Variants in ANKRD6 observed in about 807,000 individuals in gnomAD.
ANKRD6 encodes ankyrin repeat domain 6.
A neutral mutation model predicts 82.3 loss-of-function variants in ANKRD6; 56 were observed. That is an observed-to-expected ratio of 0.68 (90% CI 0.55 to 0.85). The LOEUF (loss-of-function observed/expected upper bound fraction) is 0.85, where lower values mean the gene tolerates loss of function less well. Ranked by LOEUF, ANKRD6 falls within the 40% of genes least tolerant of loss-of-function variation. ANKRD6 has a pLI of 0.00. For synonymous variants in ANKRD6, 347 were observed against 352.1 expected (o/e 0.99, Z 0.16); for missense variants, 852 against 907.6 (o/e 0.94, Z 0.79).
chr6:89,461,018 A>G (rs796466163), intron 1 of ANKRD6, among the ~76,000 whole-genome samples: 5 of 150,656 alleles, frequency 3.3e-5, no homozygotes, highest in African/African-American at 1.2e-4. Flanking sequence ...CTCCTGCCTC[A>G]GCCTCCTGAG....
chr6:89,511,169 C>T (rs1041165645), intron 1 of ANKRD6, among the ~76,000 whole-genome samples: 1 of 152,192 alleles, frequency 6.6e-6, no homozygotes, highest in Non-Finnish European at 1.5e-5. Flanking sequence ...GATTCCTCTT[C>T]CTCCGTAGAC....
At chr6:89,544,191 A>G (rs1222483467) in intron 1 of ANKRD6, among the ~76,000 whole-genome samples, 2 of 152,132 alleles carry the variant, frequency 1.3e-5, no homozygotes, top group Non-Finnish European at 1.5e-5. Context: ...GACCTCCTCA[A>G]TATTCTGCCA....
chr6:89,615,270 G>T (rs1315960282), intron 7 of ANKRD6, among the ~76,000 whole-genome samples: 1 of 152,196 alleles, frequency 6.6e-6, no homozygotes. Flanking sequence ...TACTGTTCCT[G>T]GATCCCACCC....
intron 2 of ANKRD6, among the ~76,000 whole-genome samples, chr6:89,569,211 G>A (rs1789232143): frequency 6.6e-6 from 1 of 152,124 alleles, no homozygotes. Context: ...CACCGCGCCT[G>A]GCTCCTAGTA....
intron 14 of ANKRD6, among the ~76,000 whole-genome samples, chr6:89,627,933 G>A (rs1806256518): frequency 1.3e-5 from 2 of 152,190 alleles, no homozygotes; most frequent in Non-Finnish European, 2.9e-5. Context: ...TGGGGAAGAT[G>A]CCATTTCTGT....
intron 1 of ANKRD6, among the ~76,000 whole-genome samples, chr6:89,527,232 T>C (rs1782598452): frequency 6.6e-6 from 1 of 152,192 alleles, no homozygotes; most frequent in Non-Finnish European, 1.5e-5. Flanking sequence ...GTTATGTTTA[T>C]ATTATACTGT....
intron 1 of ANKRD6, among the ~76,000 whole-genome samples, chr6:89,552,167 A>G (rs933088966): frequency 1.3e-5 from 2 of 152,212 alleles, no homozygotes; most frequent in Non-Finnish European, 2.9e-5. Flanking sequence ...TATAACCAGG[A>G]TTAGGGAGAT....
At chr6:89,624,162 T>C (rs1315712733) in intron 12 of ANKRD6, 105 bp downstream of exon 12, 4 of 1,307,170 alleles carry the variant, frequency 3.1e-6, no homozygotes, top group East Asian at 2.5e-5. Context: ...ATTGACTTAG[T>C]TGAGCACAAG....
rs899914206 is a variant in ANKRD6, at chr6:89,623,935, C to T, written c.1096C>T (p.His366Tyr). 5.0e-6 allele frequency: 8 copies of T among 1,613,838 alleles called. No individual in the cohort carries two copies. In the African/African-American group the frequency reaches 1.1e-4, roughly 22 times the overall value. Residue 366 changes from histidine to tyrosine, a missense_variant, in exon 12 of 16, where the codon CAT becomes TAT. Transcript: ENST00000339746. Reference sequence around the variant, plus strand: ...ACAGCCTGGACACCAGAAGAACCTGCATGCTCATAATCACCCTAAAAAGAG... The same window carrying T: ...ACAGCCTGGACACCAGAAGAACCTGTATGCTCATAATCACCCTAAAAAGAG... Reference protein sequence around the residue: ...DQQPGHQKNLHAHNHPKKRNR... With the variant: ...DQQPGHQKNLYAHNHPKKRNR...
intron 1 of ANKRD6, among the ~76,000 whole-genome samples, chr6:89,541,977 G>T (rs1487959217): frequency 6.6e-6 from 1 of 151,036 alleles, no homozygotes; most frequent in East Asian, 1.9e-4. Context: ...TTTTTTTCTT[G>T]TTCTTTTTTT....
intron 1 of ANKRD6, among the ~76,000 whole-genome samples, chr6:89,442,198 G>C (rs1026350620): frequency 1.2e-4 from 18 of 151,950 alleles, no homozygotes; most frequent in African/African-American, 4.3e-4. Flanking sequence ...GTTTCGCCAT[G>C]TTCCCTAGGC....
rs764249051 is a variant in ANKRD6, at chr6:89,603,124, C to T, written c.315C>T (p.Asp105=). 6.2e-7 allele frequency: 1 copy of T among 1,600,352 alleles called. No homozygotes were observed. Among genetic ancestry groups the T allele is most frequent in the South Asian group, 1.1e-5 (1 of 87,964 alleles). ...IHEGCALDRQ[D]KDGNTALHEA... is the part of the protein sequence containing the mutation. ...AAGGGTGTGCCCTGGACAGACAAGA[C>T]AAGGTGAGTGGACACTGAGCTTCCT... The change falls in exon 4 of 16, where the codon GAC becomes GAT. Residue 105 remains aspartate, a synonymous_variant. Coordinates refer to ENST00000339746, the MANE Select transcript of ANKRD6 (RefSeq NM_001242809.2).
rs577780011 is a variant in ANKRD6 at position 89,629,103 on chromosome 6, T to C, written c.1486-9T>C. On this transcript the variant is annotated splice_polypyrimidine_tract_variant and intron_variant, in intron 14 of 15. Transcript: ENST00000339746. ...GTACTTATTTGTGGGGTTTGTTTTT[T>C]TTTTTAAGATATCCTTGGTGGATGA... 2 of 1,605,172 alleles carry C rather than the reference T, an allele frequency of 1.2e-6. No individual in the cohort carries two copies. The highest frequency in any genetic ancestry group is 2.2e-5 in the East Asian group (1 of 44,850).
intron 1 of ANKRD6, among the ~76,000 whole-genome samples, chr6:89,469,663 A>G (rs1176557139): frequency 2.6e-5 from 4 of 152,168 alleles, no homozygotes; most frequent in African/African-American, 9.7e-5. Flanking sequence ...ATTCCTTTCC[A>G]GACCCTTCCA....
intron 1 of ANKRD6, among the ~76,000 whole-genome samples, chr6:89,495,917 C>G (rs1240882075): frequency 6.6e-6 from 1 of 152,112 alleles, no homozygotes; most frequent in Non-Finnish European, 1.5e-5. Context: ...AAGTTTCTGA[C>G]TTGCGCACAT....
intron 2 of ANKRD6, among the ~76,000 whole-genome samples, chr6:89,589,257 G>C (rs2128135752): frequency 6.6e-6 from 1 of 152,278 alleles, no homozygotes; most frequent in Non-Finnish European, 1.5e-5. Context: ...ATGGCCCTGG[G>C]CTCCCAGGCC....
At chr6:89,602,838 T>C (rs372310895) in intron 3 of ANKRD6, 191 bp from the exon 4 acceptor site, 3 of 532,680 alleles carry the variant, frequency 5.6e-6, no homozygotes, top group African/African-American at 1.9e-5. Flanking sequence ...AAAATTTCTC[T>C]GCCAGCGTGC....
At chr6:89,492,961 A>G (rs541900554) in intron 1 of ANKRD6, among the ~76,000 whole-genome samples, 4 of 152,304 alleles carry the variant, frequency 2.6e-5, no homozygotes, top group South Asian at 4.1e-4. Flanking sequence ...CCATGCCCCA[A>G]ATTCCACATA....
intron 1 of ANKRD6, among the ~76,000 whole-genome samples, chr6:89,546,875 C>T (rs1453867184): frequency 2.0e-5 from 3 of 152,188 alleles, no homozygotes; most frequent in South Asian, 2.1e-4. Flanking sequence ...CCAAGATGAG[C>T]GCCTGCAGTC....
Sources: allele counts gnomAD v4.1 joint callset (sites outside exome capture counted in the v4.1 genomes callset), GRCh38; gene constraint gnomAD v4.1.1; transcripts MANE v1.5; gene names NCBI Gene and HGNC (gene_info 2026-07-23, HGNC 2026-07-21).